FSTL4: variants seen among roughly 807,000 people sequenced by gnomAD.
FSTL4 encodes follistatin-related protein 4.
Under a neutral mutation model 78.2 loss-of-function variants are expected in FSTL4, and 28 were observed. The observed-to-expected ratio is 0.36, with a 90% confidence interval of 0.27 to 0.49. The LOEUF is 0.49. Ranked by LOEUF, FSTL4 falls within the 20% of genes least tolerant of loss-of-function variation. The probability of loss-of-function intolerance (pLI) is 0.98; values close to 1 mark genes in which losing one functional copy is unlikely to be tolerated. For synonymous variants in FSTL4, 422 were observed against 440.5 expected (o/e 0.96, Z 0.53); for missense variants, 922 against 1,084.9 (o/e 0.85, Z 2.11).
intron 3 of FSTL4, among the ~76,000 whole-genome samples, chr5:133,415,180 G>A (rs1756553165): frequency 6.6e-6 from 1 of 152,162 alleles, no homozygotes; most frequent in African/African-American, 2.4e-5. Context: ...GCTTTAGGCA[G>A]GCCCACCACA....
At chr5:133,628,688 G>A in the FSTL4 span, among the ~76,000 whole-genome samples, 2 of 151,750 alleles carry the variant, frequency 1.3e-5, no homozygotes, top group African/African-American at 2.4e-5. Context: ...GAAAGGATTA[G>A]CTAAATAGAT....
intron 4 of FSTL4, among the ~76,000 whole-genome samples, chr5:133,399,473 C>A (rs754808937): frequency 6.6e-6 from 1 of 152,180 alleles, no homozygotes. Context: ...TATGCTGCCA[C>A]GACTGCTGAG....
chr5:133,382,947 G>C (rs948177282), intron 4 of FSTL4, among the ~76,000 whole-genome samples: 17 of 152,092 alleles, frequency 1.1e-4, no homozygotes, highest in Admixed American at 3.3e-4. Flanking sequence ...AGAGAGAAGG[G>C]GGGTGGGAGA....
At chr5:133,517,055 A>C in intron 3 of FSTL4, among the ~76,000 whole-genome samples, 1 of 149,348 alleles carries the variant, frequency 6.7e-6, no homozygotes, top group East Asian at 2.0e-4. Flanking sequence ...CCAGCCTGGG[A>C]GATAGAGTGA....
chr5:133,321,663 A>G (rs1331731038), intron 4 of FSTL4, among the ~76,000 whole-genome samples: 1 of 152,242 alleles, frequency 6.6e-6, no homozygotes, highest in Non-Finnish European at 1.5e-5. Context: ...GTTCGAGAGA[A>G]TGCCATAAGG....
At chr5:133,831,571 A>G in the FSTL4 span, among the ~76,000 whole-genome samples, 2 of 152,252 alleles carry the variant, frequency 1.3e-5, no homozygotes, top group Admixed American at 1.3e-4. Context: ...CCAAATGAAG[A>G]TAATATTGTT....
At chr5:133,572,178 T>C (rs538600811) in intron 2 of FSTL4, among the ~76,000 whole-genome samples, 1 of 152,284 alleles carries the variant, frequency 6.6e-6, no homozygotes, top group South Asian at 2.1e-4. Flanking sequence ...GGGGAGAACA[T>C]TGCCTATAAG....
At chr5:133,410,819 C>T (rs1031402850) in intron 3 of FSTL4, among the ~76,000 whole-genome samples, 2 of 152,206 alleles carry the variant, frequency 1.3e-5, no homozygotes, top group Non-Finnish European at 2.9e-5. Context: ...CAAGGATCTG[C>T]CCTTGTCTCT....
chr5:133,307,783 CTT>C (rs61206159), intron 6 of FSTL4, among the ~76,000 whole-genome samples: 10 of 137,204 alleles, frequency 7.3e-5, no homozygotes, highest in Non-Finnish European at 1.1e-4. Context: ...TCCCAATTTT[CTT>C]TTTTTTTTTT....
intron 3 of FSTL4, among the ~76,000 whole-genome samples, chr5:133,446,139 C>G (rs1020346444): frequency 3.3e-5 from 5 of 152,178 alleles, no homozygotes; most frequent in African/African-American, 9.7e-5. Context: ...TGAGCCCCAC[C>G]AAAACCTGCA....
At chr5:133,514,306 A>G (rs1416794847) in intron 3 of FSTL4, among the ~76,000 whole-genome samples, 4 of 151,968 alleles carry the variant, frequency 2.6e-5, no homozygotes, top group African/African-American at 7.2e-5. Flanking sequence ...CAAAGGCTCG[A>G]GAGAAGAGGA....
chr5:133,639,995 C>T, the FSTL4 span, among the ~76,000 whole-genome samples: 1 of 152,198 alleles, frequency 6.6e-6, no homozygotes, highest in African/African-American at 2.4e-5. Flanking sequence ...TTGATTAACA[C>T]TGAAATACAG....
chr5:133,618,307 A>C, the FSTL4 span, among the ~76,000 whole-genome samples: 3 of 152,234 alleles, frequency 2.0e-5, no homozygotes, highest in Non-Finnish European at 2.9e-5. Context: ...GTGGAAAGTG[A>C]AAGTGAAACC....
the FSTL4 span, among the ~76,000 whole-genome samples, chr5:133,661,778 ACT>A: frequency 6.6e-6 from 1 of 152,152 alleles, no homozygotes. Flanking sequence ...TATAAAGATA[ACT>A]CTGTAATTAA....
chr5:133,558,358 G>A (rs1759834605), intron 3 of FSTL4, among the ~76,000 whole-genome samples: 1 of 152,200 alleles, frequency 6.6e-6, no homozygotes, highest in Non-Finnish European at 1.5e-5. Flanking sequence ...AGAGAATGGA[G>A]CTGAGAAGCT....
the FSTL4 span, among the ~76,000 whole-genome samples, chr5:133,732,092 A>G: frequency 2.6e-5 from 4 of 152,152 alleles, no homozygotes; most frequent in Non-Finnish European, 2.9e-5. Flanking sequence ...CTGTCCTAAG[A>G]GTAGGACCCT....
chr5:133,423,770 T>C (rs780093719), intron 3 of FSTL4, among the ~76,000 whole-genome samples: 1 of 152,058 alleles, frequency 6.6e-6, no homozygotes, highest in Admixed American at 6.5e-5. Context: ...TACAGACAAA[T>C]GACTCATGAC....
At chr5:133,654,132 C>A in the FSTL4 span, among the ~76,000 whole-genome samples, 1 of 152,232 alleles carries the variant, frequency 6.6e-6, no homozygotes, top group Non-Finnish European at 1.5e-5. Context: ...TCCAGCCCTT[C>A]TCTCACAGGT....
At chr5:133,495,151 C>G (rs1002867542) in intron 3 of FSTL4, among the ~76,000 whole-genome samples, 5 of 152,152 alleles carry the variant, frequency 3.3e-5, no homozygotes, top group African/African-American at 1.2e-4. Context: ...CACTTACACA[C>G]CGGTTGGGAA....
Sources: allele counts gnomAD v4.1 joint callset (sites outside exome capture counted in the v4.1 genomes callset), GRCh38; gene constraint gnomAD v4.1.1; transcripts MANE v1.5; gene names NCBI Gene and HGNC (gene_info 2026-07-23, HGNC 2026-07-21).